TMEM178B: variants seen among roughly 807,000 people sequenced by gnomAD.
TMEM178B encodes the protein transmembrane protein 178B.
A neutral mutation model predicts 31.0 loss-of-function variants in TMEM178B; 5 were observed. That is an observed-to-expected ratio of 0.16 (90% CI 0.08 to 0.34). The LOEUF is 0.34. TMEM178B is among the 10% of genes least tolerant of loss of function. The probability of loss-of-function intolerance (pLI) is 1.00; values close to 1 mark genes in which losing one functional copy is unlikely to be tolerated. For missense variants in TMEM178B, 275 were observed against 400.3 expected, an observed-to-expected ratio of 0.69 and a Z score of 2.67; for synonymous variants, 164 against 164.0, an observed-to-expected ratio of 1.00 and a Z score of 0.00.
chr7:141,392,587 C>T (rs1563169698), intron 2 of TMEM178B, among the ~76,000 whole-genome samples: 1 of 152,184 alleles, frequency 6.6e-6, no homozygotes, highest in Admixed American at 6.5e-5. Flanking sequence ...GATTCCCTAA[C>T]ATCACCCATG....
At chr7:141,096,623 C>T (rs781525623) in intron 1 of TMEM178B, among the ~76,000 whole-genome samples, 21 of 152,224 alleles carry the variant, frequency 1.4e-4, no homozygotes, top group Non-Finnish European at 2.4e-4. Flanking sequence ...GGCAGGGAAG[C>T]TCCATACCCC....
chr7:141,450,859 T>C, intron 3 of TMEM178B, among the ~76,000 whole-genome samples: 1 of 152,216 alleles, frequency 6.6e-6, no homozygotes, highest in East Asian at 1.9e-4. Flanking sequence ...TGAAACAAGC[T>C]TGGAGTCATG....
chr7:141,417,452 T>A (rs1381261696), intron 2 of TMEM178B, among the ~76,000 whole-genome samples: 2 of 152,206 alleles, frequency 1.3e-5, no homozygotes, highest in Non-Finnish European at 2.9e-5. Context: ...GAATAATACC[T>A]GACTGAGAGA....
intron 1 of TMEM178B, among the ~76,000 whole-genome samples, chr7:141,140,757 A>G (rs1795755694): frequency 6.6e-6 from 1 of 152,194 alleles, no homozygotes. Flanking sequence ...ATGCTCCTCT[A>G]CTGGAACTTG....
intron 1 of TMEM178B, among the ~76,000 whole-genome samples, chr7:141,132,953 A>T (rs1250507374): frequency 1.3e-5 from 2 of 152,200 alleles, no homozygotes; most frequent in Admixed American, 1.3e-4. Flanking sequence ...TAAACCACTG[A>T]AGAATTCATA....
rs148858859 is a variant in TMEM178B at position 141,293,838 on chromosome 7, G to A, written c.496+81134G>A. Reference sequence around the variant, plus strand: ...TGCCTGGCATGTAGAGAGTGAGTAGGAAGTCTTTATAAACCTATAATAATA... The same window carrying A: ...TGCCTGGCATGTAGAGAGTGAGTAGAAAGTCTTTATAAACCTATAATAATA... On this transcript the variant is annotated intron_variant, in intron 2 of 3. Transcript: ENST00000565468. Among the ~76,000 whole-genome samples, 405 of 152,284 alleles carry A rather than the reference G, an allele frequency of 2.7e-3. 4 individuals are homozygous for A. Among genetic ancestry groups the A allele is most frequent in the African/African-American group, 9.3e-3 (385 of 41,556 alleles).
intron 2 of TMEM178B, among the ~76,000 whole-genome samples, chr7:141,214,168 A>G (rs959423434): frequency 1.3e-5 from 2 of 152,240 alleles, no homozygotes; most frequent in African/African-American, 2.4e-5. Flanking sequence ...GGTCTAATAT[A>G]GTCCCTTCTT....
At chr7:141,222,959 C>A (rs541106464) in intron 2 of TMEM178B, among the ~76,000 whole-genome samples, 22 of 152,246 alleles carry the variant, frequency 1.4e-4, no homozygotes, top group African/African-American at 5.3e-4. Flanking sequence ...AATTTAGACA[C>A]AAACAGTCTC....
chr7:141,227,569 T>C (rs1284963902), intron 2 of TMEM178B, among the ~76,000 whole-genome samples: 3 of 152,138 alleles, frequency 2.0e-5, no homozygotes, highest in Non-Finnish European at 2.9e-5. Context: ...AGCCGTGTCC[T>C]ATGAGCCTTA....
intron 2 of TMEM178B, among the ~76,000 whole-genome samples, chr7:141,261,126 G>A (rs561854757): frequency 3.4e-4 from 52 of 152,232 alleles, no homozygotes; most frequent in Middle Eastern, 6.8e-3. Flanking sequence ...TGAATGTATT[G>A]CTTGCAGTCA....
intron 2 of TMEM178B, among the ~76,000 whole-genome samples, chr7:141,301,687 G>A (rs1396648572): frequency 6.6e-6 from 1 of 152,198 alleles, no homozygotes; most frequent in Non-Finnish European, 1.5e-5. Context: ...TCCACTCCTT[G>A]CCATGTGGGA....
rs528979374 is a variant in TMEM178B, at chr7:141,133,974, C to A, written c.382+59282C>A. ...AAAGAGGTGGGTGTAATGGCTCATT[C>A]CTATAATCCTAGTGTTTTGAGAGGC... On this transcript the variant is annotated intron_variant, in intron 1 of 3. Transcript: ENST00000565468. Among the ~76,000 whole-genome samples, 4 of 152,216 alleles carry A rather than the reference C, an allele frequency of 2.6e-5. No individual in the cohort carries two copies. The East Asian group carries it at 7.7e-4, about 29-fold the overall frequency.
intron 1 of TMEM178B, among the ~76,000 whole-genome samples, chr7:141,183,894 G>C (rs779638202): frequency 6.6e-6 from 1 of 152,200 alleles, no homozygotes; most frequent in Non-Finnish European, 1.5e-5. Context: ...CGGCCTCCTT[G>C]GTGTGCAGGA....
intron 2 of TMEM178B, among the ~76,000 whole-genome samples, chr7:141,266,598 G>A (rs904125998): frequency 5.3e-5 from 8 of 152,142 alleles, no homozygotes; most frequent in Non-Finnish European, 1.2e-4. Flanking sequence ...AGAGTCTTCC[G>A]GTGGGCTAGG....
At chr7:141,197,484 C>G (rs543107915) in intron 1 of TMEM178B, among the ~76,000 whole-genome samples, 47 of 152,298 alleles carry the variant, frequency 3.1e-4, no homozygotes, top group African/African-American at 1.0e-3. Context: ...TAAGTTAACC[C>G]TTTAATTAAC....
intron 2 of TMEM178B, among the ~76,000 whole-genome samples, chr7:141,215,834 C>CTTTCTTTCTTTCT (rs1554463700): frequency 4.2e-4 from 12 of 28,884 alleles, no homozygotes; most frequent in East Asian, 2.4e-3. Flanking sequence ...TTCTTTCTTT[C>CTTTCTTTCTTTCT]TTTCTTTTCT....
At chr7:141,206,775 G>A (rs1324888991) in intron 1 of TMEM178B, among the ~76,000 whole-genome samples, 1 of 152,072 alleles carries the variant, frequency 6.6e-6, no homozygotes, top group Non-Finnish European at 1.5e-5. Flanking sequence ...TGCTCTCCCT[G>A]TTTTGCTGTT....
intron 1 of TMEM178B, among the ~76,000 whole-genome samples, chr7:141,179,175 G>T (rs1796477808): frequency 6.6e-6 from 1 of 152,174 alleles, no homozygotes; most frequent in Non-Finnish European, 1.5e-5. Flanking sequence ...AGATGTACTT[G>T]CTAGAACTTG....
At chr7:141,442,318 G>T (rs531136897) in intron 3 of TMEM178B, among the ~76,000 whole-genome samples, 2 of 152,206 alleles carry the variant, frequency 1.3e-5, no homozygotes, top group South Asian at 4.2e-4. Flanking sequence ...TAATGCTGGA[G>T]CCTCCTCTCT....
Sources: gnomAD v4.1 joint callset for allele counts (sites outside exome capture counted in the v4.1 genomes callset) on GRCh38, gnomAD v4.1.1 for gene constraint, MANE v1.5 for transcripts, NCBI Gene and HGNC (gene_info 2026-07-23, HGNC 2026-07-21) for gene names.